SOX5: variants seen among roughly 807,000 people sequenced by gnomAD.
SOX5 encodes SRY-box transcription factor 5.
Under a neutral mutation model 92.0 loss-of-function variants are expected in SOX5, and 9 were observed. The observed-to-expected ratio is 0.10, with a 90% confidence interval of 0.06 to 0.17. The LOEUF (loss-of-function observed/expected upper bound fraction) is 0.17, where lower values mean the gene tolerates loss of function less well. Ranked by LOEUF, SOX5 falls within the 10% of genes least tolerant of loss-of-function variation. The pLI, the probability that SOX5 is intolerant of heterozygous loss-of-function variation, is 1.00. For synonymous variants in SOX5, 344 were observed against 336.3 expected (o/e 1.02, Z -0.25); for missense variants, 642 against 944.5 (o/e 0.68, Z 4.20).
At chr12:23,598,391 T>G (rs1030837281) in intron 9 of SOX5, among the ~76,000 whole-genome samples, 413 of 65,156 alleles carry the variant, frequency 6.3e-3, no homozygotes, top group South Asian at 0.011. Context: ...CTTTATCTTT[T>G]TTTTTTTTTT....
At chr12:24,253,595 A>C (rs1940593816) in intron 3 of SOX5, among the ~76,000 whole-genome samples, 1 of 152,196 alleles carries the variant, frequency 6.6e-6, no homozygotes, top group Non-Finnish European at 1.5e-5. Context: ...AATATCTTTT[A>C]AGATACTAAT....
At chr12:23,571,750 T>TC (rs1379862271) in intron 10 of SOX5, among the ~76,000 whole-genome samples, 1 of 152,190 alleles carries the variant, frequency 6.6e-6, no homozygotes, top group Non-Finnish European at 1.5e-5. Flanking sequence ...CATAGAACTG[T>TC]CTACGCTCTG....
rs142573769 is a variant in SOX5 at position 24,509,892 on chromosome 12, A to G, written c.-251+52437T>C. Among the ~76,000 whole-genome samples, 475 of 152,316 alleles carry G rather than the reference A, an allele frequency of 3.1e-3. 3 individuals are homozygous for G. Among genetic ancestry groups the G allele is most frequent in the African/African-American group, 0.011 (457 of 41,574 alleles). Reference sequence around the variant, plus strand: ...AGTTTAACACTGGAACCAGAAATCTATTTACAGTCATAAAGTCCAGGCAAT... The same window carrying G: ...AGTTTAACACTGGAACCAGAAATCTGTTTACAGTCATAAAGTCCAGGCAAT... On this transcript the variant is annotated intron_variant, in intron 1 of 4. Coordinates refer to the SOX5 transcript ENST00000446891.
intron 2 of SOX5, among the ~76,000 whole-genome samples, chr12:24,366,336 G>C (rs1255720468): frequency 1.3e-5 from 2 of 152,136 alleles, no homozygotes; most frequent in African/African-American, 2.4e-5. Flanking sequence ...TGCTCCAAGA[G>C]AGGGGCACAG....
At chr12:24,422,602 G>A (rs1313592179) in intron 1 of SOX5, among the ~76,000 whole-genome samples, 1 of 152,156 alleles carries the variant, frequency 6.6e-6, no homozygotes, top group Non-Finnish European at 1.5e-5. Context: ...AATGATGTGT[G>A]GGAATTCTGC....
chr12:24,502,288 G>A lies in SOX5; in HGVS notation c.-251+60041C>T, dbSNP rs190052126. 5.4e-4 allele frequency among the ~76,000 whole-genome samples: 82 copies of A among 152,182 alleles called. 1 individual carries two copies. The South Asian group carries it at 6.8e-3, about 13-fold the overall frequency. On this transcript the variant is annotated intron_variant, in intron 1 of 4. Transcript: ENST00000446891. ...ATATGAGATAAACCTGGAATATCTC[G>A]TGGTACCAGAAAATAAGAAAGTGAG... is the stretch of plus-strand genomic sequence containing the variant.
At chr12:24,172,995 A>G (rs1954372106) in intron 4 of SOX5, among the ~76,000 whole-genome samples, 1 of 152,198 alleles carries the variant, frequency 6.6e-6, no homozygotes, top group Non-Finnish European at 1.5e-5. Context: ...TTAATTTCCT[A>G]CAGCAGGAAT....
chr12:24,092,024 T>C (rs1186310849), intron 4 of SOX5, among the ~76,000 whole-genome samples: 1 of 152,180 alleles, frequency 6.6e-6, no homozygotes, highest in Admixed American at 6.5e-5. Flanking sequence ...GCACTGCATT[T>C]TTAAACTACT....
At chr12:23,623,984 A>G (rs1055772636) in intron 8 of SOX5, among the ~76,000 whole-genome samples, 7 of 152,182 alleles carry the variant, frequency 4.6e-5, no homozygotes, top group Admixed American at 3.9e-4. Flanking sequence ...GTACATAGAT[A>G]CTATGGAATA....
chr12:24,293,703 G>T (rs1946867951), intron 2 of SOX5, among the ~76,000 whole-genome samples: 1 of 152,074 alleles, frequency 6.6e-6, no homozygotes. Context: ...GTAAAGATTT[G>T]CTGATTTTCC....
At chr12:23,937,871 C>A (rs1942920936) in intron 1 of SOX5, among the ~76,000 whole-genome samples, 1 of 150,932 alleles carries the variant, frequency 6.6e-6, no homozygotes, top group East Asian at 1.9e-4. Flanking sequence ...AAAGTAATAC[C>A]ATTCTTAACG....
At chr12:23,652,879 T>A (rs538494255) in intron 7 of SOX5, among the ~76,000 whole-genome samples, 1 of 152,104 alleles carries the variant, frequency 6.6e-6, no homozygotes, top group Non-Finnish European at 1.5e-5. Context: ...GTAGTATTCA[T>A]TCCTTGTATT....
chr12:24,371,727 C>T (rs114700571), intron 1 of SOX5, among the ~76,000 whole-genome samples: 38 of 152,296 alleles, frequency 2.5e-4, no homozygotes, highest in African/African-American at 8.9e-4. Flanking sequence ...GTGGCTCACA[C>T]CTGTAATCTC....
At chr12:23,584,887 G>C (rs1351153780) in intron 9 of SOX5, among the ~76,000 whole-genome samples, 3 of 151,928 alleles carry the variant, frequency 2.0e-5, no homozygotes, top group African/African-American at 7.3e-5. Flanking sequence ...TTGTTTTCTT[G>C]AACATCTCGT....
chr12:24,305,768 T>C (rs1948494777), intron 2 of SOX5, among the ~76,000 whole-genome samples: 2 of 152,100 alleles, frequency 1.3e-5, no homozygotes. Flanking sequence ...TGGCTAATTT[T>C]TGTATTTTAA....
chr12:24,205,255 C>T (rs932607965), intron 4 of SOX5, among the ~76,000 whole-genome samples: 35 of 152,296 alleles, frequency 2.3e-4, no homozygotes, highest in African/African-American at 8.2e-4. Flanking sequence ...ACTCAATATA[C>T]TTATCCCAAC....
chr12:24,202,313 T>C (rs1380257816), intron 4 of SOX5, among the ~76,000 whole-genome samples: 1 of 152,204 alleles, frequency 6.6e-6, no homozygotes, highest in Non-Finnish European at 1.5e-5. Flanking sequence ...ATACATTTTA[T>C]TTAAGGCACA....
At chr12:23,934,423 A>G (rs536492408) in intron 1 of SOX5, among the ~76,000 whole-genome samples, 70 of 149,648 alleles carry the variant, frequency 4.7e-4, no homozygotes, top group Non-Finnish European at 9.4e-4. Flanking sequence ...TATGATGTGT[A>G]TATATGTATA....
intron 4 of SOX5, among the ~76,000 whole-genome samples, chr12:24,061,597 G>T (rs541492769): frequency 6.6e-6 from 1 of 151,982 alleles, no homozygotes; most frequent in Non-Finnish European, 1.5e-5. Context: ...ACAAAACATA[G>T]GGCATCACAC....
Sources: allele counts gnomAD v4.1 joint callset (sites outside exome capture counted in the v4.1 genomes callset), GRCh38; gene constraint gnomAD v4.1.1; transcripts MANE v1.5; gene names NCBI Gene and HGNC (gene_info 2026-07-23, HGNC 2026-07-21).